The following EEF1AKMT2 variants were observed in gnomAD, a reference collection of about 807,000 sequenced individuals.
The protein encoded by EEF1AKMT2 is eukaryotic translation elongation factor 1 alpha lysine methyltransferase 2.
In EEF1AKMT2, 32 loss-of-function variants were observed where a neutral mutation model predicts 35.8. That is an observed-to-expected ratio of 0.89 (90% confidence interval 0.67 to 1.20). The LOEUF is 1.20. EEF1AKMT2 is among the 50% of genes most tolerant of loss of function. The pLI, the probability that EEF1AKMT2 is intolerant of heterozygous loss-of-function variation, is 0.00. For synonymous variants in EEF1AKMT2, 121 were observed against 133.7 expected, an observed-to-expected ratio of 0.91 and a Z score of 0.65; for missense variants, 330 against 347.5, an observed-to-expected ratio of 0.95 and a Z score of 0.40.
intron 4 of EEF1AKMT2, among the ~76,000 whole-genome samples, chr10:124,771,930 A>T (rs1018644529): frequency 1.3e-5 from 2 of 152,172 alleles, no homozygotes; most frequent in Non-Finnish European, 1.5e-5. Context: ...GAATTCATGC[A>T]TTGTCAATGA....
rs777332518 is a variant in EEF1AKMT2, at chr10:124,774,804, C to T, written c.292-22G>A. ...TTGCCTAGAGAGAAATAATTTTATA[C>T]TTTAGTATAAAATTTTAATATAATG... is the stretch of plus-strand genomic sequence containing the variant. On this transcript the variant is annotated intron_variant, in intron 3 of 6. Transcript: ENST00000368836. The T allele has an allele frequency of 1.7e-5, 19 of 1,149,720 alleles. No homozygotes were observed. In the East Asian group the frequency reaches 5.1e-4, roughly 31 times the overall value. 71.2% of individuals were successfully genotyped at this position (1,149,720 alleles called of 1,614,324 possible).
rs1950638906 is a variant in EEF1AKMT2, at chr10:124,791,815, C to A, written c.19G>T (p.Gly7Cys). MSSGAD[G>C]GGGAAVAARS... ...GCCGCCACCGCAGCGCCACCGCCGCCGTCAGCGCCCGAGCTCATTTCGCTC... is the reference window on the plus strand; with the variant it reads ...GCCGCCACCGCAGCGCCACCGCCGCAGTCAGCGCCCGAGCTCATTTCGCTC... Residue 7 changes from glycine to cysteine, a missense_variant, in exon 1 of 7, where the codon GGC becomes TGC. Physicochemically the swap from Gly to Cys is radical, Grantham distance 159 (BLOSUM62 -3). Coordinates refer to ENST00000368836, the MANE Select transcript of EEF1AKMT2 (RefSeq NM_212554.4). 1 of 1,583,148 alleles carries A rather than the reference C, an allele frequency of 6.3e-7. No homozygotes were observed. The highest frequency in any genetic ancestry group is 8.5e-7 in the Non-Finnish European group (1 of 1,170,512).
intron 3 of EEF1AKMT2, among the ~76,000 whole-genome samples, chr10:124,779,604 C>T (rs546373093): frequency 3.0e-4 from 45 of 149,070 alleles, no homozygotes; most frequent in Non-Finnish European, 5.6e-4. Context: ...AAAAATTAGC[C>T]GGACGTGGTG....
At chr10:124,779,379 C>T (rs1950516817) in intron 3 of EEF1AKMT2, among the ~76,000 whole-genome samples, 1 of 152,106 alleles carries the variant, frequency 6.6e-6, no homozygotes, top group African/African-American at 2.4e-5. Flanking sequence ...ACAAACCTTC[C>T]ACCTTGGCCT....
At chr10:124,765,173 A>C (rs1950367979) in intron 5 of EEF1AKMT2, among the ~76,000 whole-genome samples, 1 of 152,222 alleles carries the variant, frequency 6.6e-6, no homozygotes, top group Admixed American at 6.5e-5. Context: ...AAGATTTCTC[A>C]GAAAAAATTT....
intron 4 of EEF1AKMT2, among the ~76,000 whole-genome samples, chr10:124,769,492 C>A (rs1157611515): frequency 6.6e-6 from 1 of 151,908 alleles, no homozygotes; most frequent in African/African-American, 2.4e-5. Flanking sequence ...TTACAAGCAT[C>A]CCTCAGAGAT....
chr10:124,778,736 A>AAC (rs1203388046), intron 3 of EEF1AKMT2, among the ~76,000 whole-genome samples: 1 of 151,754 alleles, frequency 6.6e-6, no homozygotes, highest in East Asian at 1.9e-4. Flanking sequence ...AAAAAAAAAA[A>AAC]AGAAAAACAG....
intron 3 of EEF1AKMT2, among the ~76,000 whole-genome samples, chr10:124,782,568 C>T (rs1950550979): frequency 1.9e-5 from 2 of 103,600 alleles, no homozygotes; most frequent in Non-Finnish European, 3.6e-5. Flanking sequence ...GGCGACAGAG[C>T]GAGACTCCGT....
chr10:124,789,184 T>C, intron 2 of EEF1AKMT2, 27 bp from the exon 3 acceptor site: 3 of 1,506,560 alleles, frequency 2.0e-6, no homozygotes, highest in South Asian at 2.3e-5. Context: ...GTCAAATAAC[T>C]GAGGGATACA....
chr10:124,766,887 C>G (rs536783126), intron 4 of EEF1AKMT2, among the ~76,000 whole-genome samples: 1 of 152,112 alleles, frequency 6.6e-6, no homozygotes, highest in Non-Finnish European at 1.5e-5. Flanking sequence ...CAGAGCCAGG[C>G]GCAGTGGCTC....
chr10:124,787,869 C>A (rs1950600728), intron 3 of EEF1AKMT2, among the ~76,000 whole-genome samples: 1 of 152,112 alleles, frequency 6.6e-6, no homozygotes, highest in Non-Finnish European at 1.5e-5. Context: ...ATTCACTTAG[C>A]TGTATACTTC....
Position 124,768,810 on chromosome 10 carries a change from A to G in EEF1AKMT2, c.400-3202T>C, listed in dbSNP as rs74960282. Among the ~76,000 whole-genome samples, 216 of 152,256 alleles carry G rather than the reference A, an allele frequency of 1.4e-3. No homozygotes were observed. In the East Asian group the frequency reaches 0.026, roughly 18 times the overall value. On this transcript the variant is annotated intron_variant, in intron 4 of 6. Transcript: ENST00000368836. ...TGTGGTAAAAGAACATCAGAGCAGC[A>G]TGAGTGGAAATGGAGGGGCAAAATC... is the stretch of plus-strand genomic sequence containing the variant.
chr10:124,760,816 T>C (rs995145111), intron 6 of EEF1AKMT2, among the ~76,000 whole-genome samples: 2 of 152,234 alleles, frequency 1.3e-5, no homozygotes, highest in African/African-American at 4.8e-5. Context: ...GTATCTCTGT[T>C]AGCCTCTATC....
chr10:124,774,698 C>G lies in EEF1AKMT2; in HGVS notation c.376G>C (p.Gly126Arg), dbSNP rs375880079. Residue 126 changes from glycine to arginine, a missense_variant, in exon 4 of 7, where the codon GGT (glycine) becomes CGT (arginine). Coordinates refer to ENST00000368836, the MANE Select transcript of EEF1AKMT2 (RefSeq NM_212554.4). ...ACCTTTAACTTAATGTTAGATAAACCTTCTTTTTCTATAATACTTCCAGAA... is the reference window on the plus strand; with the variant it reads ...ACCTTTAACTTAATGTTAGATAAACGTTCTTTTTCTATAATACTTCCAGAA... ...QLSGSIIEKEGLSNIKLKVED... is the reference protein window; with the variant it reads ...QLSGSIIEKERLSNIKLKVED... The G allele has an allele frequency of 2.9e-5, 42 of 1,449,972 alleles. No individual in the cohort carries two copies. Among genetic ancestry groups the G allele is most frequent in the Non-Finnish European group, 3.7e-5 (41 of 1,097,624 alleles). 89.8% of individuals were successfully genotyped at this position (1,449,972 alleles called of 1,614,324 possible). A position where few individuals can be genotyped will look rare whatever the true frequency, so the allele number is the denominator to read the frequency against.
chr10:124,786,229 G>A lies in EEF1AKMT2; in HGVS notation c.291+2814C>T, dbSNP rs112215290. On this transcript the variant is annotated intron_variant, in intron 3 of 6. Coordinates refer to ENST00000368836, the MANE Select transcript of EEF1AKMT2 (RefSeq NM_212554.4). Reference sequence around the variant, plus strand: ...CACTTCAATTAAGAATTTCAGGGCCGGGCGTGGTGGCTCACACCTGTAATC... The same window carrying A: ...CACTTCAATTAAGAATTTCAGGGCCAGGCGTGGTGGCTCACACCTGTAATC... Among the ~76,000 whole-genome samples, 677 of 151,992 alleles carry A rather than the reference G, an allele frequency of 4.5e-3. 11 individuals carry two copies. Among genetic ancestry groups the A allele is most frequent in the African/African-American group, 0.015 (627 of 41,426 alleles).
At chr10:124,777,808 C>G (rs1344609653) in intron 3 of EEF1AKMT2, among the ~76,000 whole-genome samples, 1 of 152,058 alleles carries the variant, frequency 6.6e-6, no homozygotes, top group Non-Finnish European at 1.5e-5. Context: ...GCTGGGATTA[C>G]AGGCATGAGC....
chr10:124,757,005 A>G (rs1408878007), downstream of EEF1AKMT2, among the ~76,000 whole-genome samples: 1 of 152,138 alleles, frequency 6.6e-6, no homozygotes, highest in Non-Finnish European at 1.5e-5. Flanking sequence ...TGCCTAACCA[A>G]GAGAAATGTA....
In EEF1AKMT2 at chr10:124,788,710, T is replaced by TTTTATA. The variant is rs1414544581; in HGVS notation, c.291+332_291+333insTATAAA. On this transcript the variant is annotated intron_variant, in intron 3 of 6. Coordinates refer to ENST00000368836, the MANE Select transcript of EEF1AKMT2 (RefSeq NM_212554.4). ...CTACTGGAATTGCAAAAGGTCATCT[T>TTTTATA]TATATATATATATATATATGCATTT... 1.1e-4 allele frequency among the ~76,000 whole-genome samples: 10 copies of TTTTATA among 92,574 alleles called. 1 individual carries two copies. The highest frequency in any genetic ancestry group is 0.012 in the Middle Eastern group (2 of 168). 60.7% of individuals were successfully genotyped at this position (92,574 alleles called of 152,430 possible).
At chr10:124,788,334 T>C (rs1025546079) in intron 3 of EEF1AKMT2, among the ~76,000 whole-genome samples, 3 of 152,214 alleles carry the variant, frequency 2.0e-5, no homozygotes, top group African/African-American at 7.2e-5. Context: ...ATGCATCAAG[T>C]GATGGCACAA....
Sources: allele counts gnomAD v4.1 joint callset (sites outside exome capture counted in the v4.1 genomes callset), GRCh38; gene constraint gnomAD v4.1.1; transcripts MANE v1.5; gene names NCBI Gene and HGNC (gene_info 2026-07-23, HGNC 2026-07-21).